The following SPOCK1 variants were observed in gnomAD, a reference collection of about 807,000 sequenced individuals.
The protein encoded by SPOCK1 is SPARC (osteonectin), cwcv and kazal like domains proteoglycan 1, also known as testican-1.
In SPOCK1, 23 loss-of-function variants were observed where a neutral mutation model predicts 55.3. The observed-to-expected ratio is 0.42, with a 90% CI of 0.30 to 0.59. The LOEUF is 0.59. Among genes scored for constraint, SPOCK1 ranks in the 20% least tolerant of loss-of-function variants. The pLI is 0.22. For missense variants in SPOCK1, 499 were observed against 552.5 expected (o/e 0.90, Z 0.97); for synonymous variants, 226 against 221.0 (o/e 1.02, Z -0.20).
At chr5:137,016,429 T>C (rs994282146) in intron 6 of SPOCK1, among the ~76,000 whole-genome samples, 1 of 152,216 alleles carries the variant, frequency 6.6e-6, no homozygotes, top group Non-Finnish European at 1.5e-5. Flanking sequence ...AGTGAGGAGC[T>C]GAATAGATAA....
intron 3 of SPOCK1, among the ~76,000 whole-genome samples, chr5:137,185,487 T>C (rs1189158847): frequency 6.6e-6 from 1 of 152,224 alleles, no homozygotes; most frequent in Non-Finnish European, 1.5e-5. Flanking sequence ...TTTAATTTGT[T>C]GCATTTCTCT....
chr5:137,242,392 T>A (rs1756300251), intron 3 of SPOCK1, among the ~76,000 whole-genome samples: 3 of 152,196 alleles, frequency 2.0e-5, no homozygotes, highest in Non-Finnish European at 4.4e-5. Context: ...TAGCACACAC[T>A]CTGGTGCCTG....
intron 2 of SPOCK1, among the ~76,000 whole-genome samples, chr5:137,322,362 C>A (rs1430978740): frequency 2.7e-5 from 4 of 149,016 alleles, no homozygotes; most frequent in Admixed American, 6.7e-5. Context: ...CACACACACA[C>A]AAAACTCACT....
In SPOCK1 at chr5:137,201,099, TTG is replaced by T. The variant is rs539447503; in HGVS notation, c.233-60407_233-60406del. 1.5e-4 allele frequency among the ~76,000 whole-genome samples: 23 copies of T among 152,240 alleles called. No homozygotes were observed. The East Asian group carries it at 4.1e-3, about 27-fold the overall frequency. On this transcript the variant is annotated intron_variant, in intron 3 of 10. Transcript: ENST00000394945. ...ACATCAAGGCAACTGTCCTGTTGAG[TTG>T]TCCCAGGAAGGGAAAGGCATCAGCA...
intron 6 of SPOCK1, among the ~76,000 whole-genome samples, chr5:137,051,752 G>A (rs1561591601): frequency 6.6e-6 from 1 of 152,208 alleles, no homozygotes; most frequent in East Asian, 1.9e-4. Flanking sequence ...AGGATATAGG[G>A]CATTTTAAAA....
At chr5:137,288,426 A>T (rs953856208) in intron 2 of SPOCK1, among the ~76,000 whole-genome samples, 6 of 152,146 alleles carry the variant, frequency 3.9e-5, no homozygotes, top group Non-Finnish European at 5.9e-5. Flanking sequence ...AATCCTACAC[A>T]ATGCTTCCCC....
chr5:137,201,697 T>TGGAAA (rs1755428654), intron 3 of SPOCK1, among the ~76,000 whole-genome samples: 1 of 151,932 alleles, frequency 6.6e-6, no homozygotes, highest in South Asian at 2.1e-4. Context: ...TCTAGAAAAA[T>TGGAAA]GGAAAGAAAA....
At chr5:137,348,259 AG>A (rs1255216434) in intron 2 of SPOCK1, among the ~76,000 whole-genome samples, 1 of 152,222 alleles carries the variant, frequency 6.6e-6, no homozygotes, top group African/African-American at 2.4e-5. Context: ...TCAGGGCCAC[AG>A]GGGATAATAA....
At chr5:137,497,340 A>T (rs1453288856) in intron 2 of SPOCK1, among the ~76,000 whole-genome samples, 1 of 152,254 alleles carries the variant, frequency 6.6e-6, no homozygotes, top group African/African-American at 2.4e-5. Flanking sequence ...AAACAAAAAG[A>T]AACAGTGCCT....
chr5:137,436,741 A>G (rs968772628), intron 2 of SPOCK1, among the ~76,000 whole-genome samples: 8 of 152,206 alleles, frequency 5.3e-5, no homozygotes, highest in Admixed American at 4.6e-4. Context: ...CTGGCAGCAC[A>G]TATCTCCCTT....
chr5:137,130,407 C>G (rs538362693), intron 4 of SPOCK1, among the ~76,000 whole-genome samples: 6 of 152,188 alleles, frequency 3.9e-5, no homozygotes, highest in African/African-American at 1.4e-4. Context: ...GAAATTATCA[C>G]AAACTCCAAC....
intron 6 of SPOCK1, among the ~76,000 whole-genome samples, chr5:137,037,612 A>G (rs1018644715): frequency 1.3e-5 from 2 of 152,212 alleles, no homozygotes; most frequent in Non-Finnish European, 2.9e-5. Context: ...AACTAAGATC[A>G]GGGAGGAGCA....
chr5:137,181,834 C>A (rs73304838), intron 3 of SPOCK1, among the ~76,000 whole-genome samples: 2,829 of 152,282 alleles, frequency 0.019, 88 homozygotes, highest in African/African-American at 0.064. Context: ...CCTGGGAAAT[C>A]TGATTAGGAT....
chr5:137,288,819 G>T (rs996468344), intron 2 of SPOCK1, among the ~76,000 whole-genome samples: 7 of 152,200 alleles, frequency 4.6e-5, no homozygotes, highest in Admixed American at 1.3e-4. Flanking sequence ...AACTTTAAAA[G>T]CCACTAAGGT....
At position 136,977,506 on chromosome 5, in the gene SPOCK1, G is replaced by C. The variant is rs1474957065; in HGVS notation, c.*1148C>G. On this transcript the variant is annotated 3_prime_UTR_variant, in exon 11 of 11. Coordinates refer to ENST00000394945, the MANE Select transcript of SPOCK1 (RefSeq NM_004598.4). The stretch of plus-strand genomic sequence containing the variant: ...GAGTAAAAGCAAAACATTGAGTTCA[G>C]AATTAGAAATTTTCTTCTTTTAAGG... 6.9e-6 allele frequency: 2 copies of C among 290,342 alleles called. No individual in the cohort carries two copies. Among genetic ancestry groups the C allele is most frequent in the Non-Finnish European group, 1.3e-5 (2 of 158,596 alleles). 18.0% of individuals were successfully genotyped at this position (290,342 alleles called of 1,614,324 possible).
intron 2 of SPOCK1, among the ~76,000 whole-genome samples, chr5:137,404,573 T>C (rs1383752066): frequency 6.2e-5 from 6 of 96,540 alleles, no homozygotes; most frequent in Non-Finnish European, 8.8e-5. Context: ...CACACCCAGC[T>C]AATTTTTTTT....
chr5:137,411,703 C>T (rs991238102), intron 2 of SPOCK1, among the ~76,000 whole-genome samples: 1 of 152,170 alleles, frequency 6.6e-6, no homozygotes, highest in Non-Finnish European at 1.5e-5. Context: ...GGGTTAACAA[C>T]TTCTGGGTCT....
intron 5 of SPOCK1, among the ~76,000 whole-genome samples, chr5:137,081,465 A>G (rs1752876739): frequency 1.3e-5 from 2 of 152,112 alleles, no homozygotes; most frequent in Admixed American, 1.3e-4. Context: ...AGCCATTAAG[A>G]TCTCACCTTG....
intron 4 of SPOCK1, among the ~76,000 whole-genome samples, chr5:137,138,290 A>C (rs1315481752): frequency 6.6e-6 from 1 of 152,142 alleles, no homozygotes; most frequent in Non-Finnish European, 1.5e-5. Context: ...AACACAAGCA[A>C]AAGTGTTGGT....
Sources: allele counts gnomAD v4.1 joint callset (sites outside exome capture counted in the v4.1 genomes callset), GRCh38; gene constraint gnomAD v4.1.1; transcripts MANE v1.5; gene names NCBI Gene and HGNC (gene_info 2026-07-23, HGNC 2026-07-21).